The following PTPRE variants were observed in gnomAD, a reference collection of about 807,000 sequenced individuals.
PTPRE encodes the protein receptor-type tyrosine-protein phosphatase epsilon.
In PTPRE, 51 loss-of-function variants were observed where a neutral mutation model predicts 102.0. That is an observed-to-expected ratio of 0.50 (90% CI 0.40 to 0.63). The LOEUF (loss-of-function observed/expected upper bound fraction) is 0.63. PTPRE is among the 30% of genes least tolerant of loss of function. PTPRE has a pLI of 0.00. For missense variants in PTPRE, 752 were observed against 915.1 expected, an observed-to-expected ratio of 0.82 and a Z score of 2.30; for synonymous variants, 345 against 348.2, an observed-to-expected ratio of 0.99 and a Z score of 0.10.
In PTPRE at chr10:128,008,477, G is replaced by C. The variant is rs767856348; in HGVS notation, c.-8+26181G>C. The stretch of plus-strand genomic sequence containing the variant: ...GGGATAATGTCAAACAGCCAGTCCC[G>C]GGTTTCTAAACCCAGTTGATCAATA... On this transcript the variant is annotated intron_variant, in intron 2 of 20. Transcript: ENST00000254667. The surrounding 1 kb of genome is among the most constrained non-coding windows in gnomAD (Gnocchi z 4.0). Among the ~76,000 whole-genome samples the C allele has an allele frequency of 6.6e-6, 1 of 152,174 alleles. No individual in the cohort carries two copies. Among genetic ancestry groups the C allele is most frequent in the Non-Finnish European group, 1.5e-5 (1 of 68,036 alleles).
At chr10:127,963,715 T>A (rs532476258) in intron 1 of PTPRE, among the ~76,000 whole-genome samples, 1 of 151,928 alleles carries the variant, frequency 6.6e-6, no homozygotes, top group Non-Finnish European at 1.5e-5. Context: ...CACACACACG[T>A]GCACACACGT....
At chr10:127,908,160 G>A (rs1011358078) in intron 1 of PTPRE, among the ~76,000 whole-genome samples, 2 of 152,162 alleles carry the variant, frequency 1.3e-5, no homozygotes, top group Non-Finnish European at 2.9e-5. Flanking sequence ...GTCTTGAGTC[G>A]TGACCATTCC....
chr10:127,963,741 C>G (rs1564832228), intron 1 of PTPRE, among the ~76,000 whole-genome samples: 2 of 152,124 alleles, frequency 1.3e-5, no homozygotes, highest in Admixed American at 6.5e-5. Flanking sequence ...ACCCACGGGG[C>G]TGGGGATAGT....
At chr10:128,055,837 G>A (rs1453530031) in intron 6 of PTPRE, among the ~76,000 whole-genome samples, 1 of 152,206 alleles carries the variant, frequency 6.6e-6, no homozygotes, top group Non-Finnish European at 1.5e-5. Context: ...GAAATGCAAA[G>A]GCAAGTCTCC....
chr10:128,083,826 TACAC>T lies in PTPRE; in HGVS notation c.*923_*926del, dbSNP rs541704816. ...AAACATTCAGATGAACTGAGCGTCT[TACAC>T]ACGCAGTACAGAGGAGCACACATTA... On this transcript the variant is annotated 3_prime_UTR_variant, in exon 21 of 21. Coordinates refer to ENST00000254667, the MANE Select transcript of PTPRE (RefSeq NM_006504.6). 9.2e-5 allele frequency: 14 copies of T among 152,246 alleles called. No individual in the cohort carries two copies. The highest frequency in any genetic ancestry group is 2.9e-4 in the African/African-American group (12 of 41,452). The allele number at this position is 152,246 out of a possible 1,614,324, so 9.4% of individuals were successfully genotyped here. A position where few individuals can be genotyped will look rare whatever the true frequency, so the allele number is the denominator to read the frequency against.
chr10:128,032,815 C>T (rs1846883802), intron 2 of PTPRE, among the ~76,000 whole-genome samples: 1 of 152,196 alleles, frequency 6.6e-6, no homozygotes. Context: ...AAAAAACAAA[C>T]AGTCTGAACT....
intron 2 of PTPRE, among the ~76,000 whole-genome samples, chr10:128,025,461 G>A: frequency 6.6e-6 from 1 of 152,196 alleles, no homozygotes; most frequent in East Asian, 1.9e-4. Context: ...TATGGAAATA[G>A]CGATAGATTT....
chr10:127,948,223 C>G (rs1848762788), intron 1 of PTPRE, among the ~76,000 whole-genome samples: 1 of 151,286 alleles, frequency 6.6e-6, no homozygotes, highest in Non-Finnish European at 1.5e-5. Flanking sequence ...TCACCCCCTC[C>G]TTTTTTTTTG....
intron 1 of PTPRE, among the ~76,000 whole-genome samples, chr10:127,943,592 C>T (rs899936474): frequency 2.6e-5 from 4 of 152,368 alleles, no homozygotes; most frequent in Admixed American, 6.5e-5. Context: ...CACCCACCAA[C>T]ACCCCAAGCC....
At position 128,055,358 on chromosome 10, in the gene PTPRE, G is replaced by A. The variant is rs968888546; in HGVS notation, c.421-765G>A. Among the ~76,000 whole-genome samples the A allele has an allele frequency of 5.9e-5, 9 of 152,170 alleles. No homozygotes were observed. In the South Asian group the frequency reaches 8.3e-4, roughly 14 times the overall value. ...TAGAATGCAGGCCACCAGAGTTCAC[G>A]CTCGGTTATGCTGCTCAGAGGGGAT... On this transcript the variant is annotated intron_variant, in intron 6 of 20. Coordinates refer to ENST00000254667, the MANE Select transcript of PTPRE (RefSeq NM_006504.6).
chr10:127,927,437 T>A (rs1309889207), intron 1 of PTPRE, among the ~76,000 whole-genome samples: 1 of 152,138 alleles, frequency 6.6e-6, no homozygotes, highest in Non-Finnish European at 1.5e-5. Flanking sequence ...GGGTTGAGTT[T>A]TCTCAGTTTT....
chr10:127,998,308 G>C (rs1351540768), intron 2 of PTPRE: 1 of 152,200 alleles, frequency 6.6e-6, no homozygotes, highest in Non-Finnish European at 1.5e-5. Context: ...AGCAGCGACT[G>C]GGGAAGCTGA....
chr10:128,066,250 C>A, intron 11 of PTPRE, 56 bp downstream of exon 11: 2 of 1,597,410 alleles, frequency 1.3e-6, no homozygotes, highest in East Asian at 2.2e-5. Context: ...GAGCATCATG[C>A]CCAGAGTTAA....
intron 11 of PTPRE, among the ~76,000 whole-genome samples, chr10:128,067,364 G>A (rs1187413503): frequency 1.6e-5 from 2 of 123,642 alleles, no homozygotes; most frequent in African/African-American, 3.2e-5. Context: ...ACGCACACGT[G>A]CACACATGCA....
Position 128,076,794 on chromosome 10 carries a change from G to C in PTPRE, c.1725+66G>C. ...GAACCACGCCCTCCCTCTGGGTTCTGCTTGTCATTGAACCAGAATGTGGCC... is the reference window on the plus strand; with the variant it reads ...GAACCACGCCCTCCCTCTGGGTTCTCCTTGTCATTGAACCAGAATGTGGCC... On this transcript the variant is annotated intron_variant, in intron 18 of 20. Transcript: ENST00000254667. 1.9e-6 allele frequency: 3 copies of C among 1,590,558 alleles called. No homozygotes were observed. The South Asian group carries it at 3.4e-5, about 18-fold the overall frequency.
intron 1 of PTPRE, among the ~76,000 whole-genome samples, chr10:127,954,408 G>A (rs1428911824): frequency 2.0e-5 from 3 of 152,132 alleles, no homozygotes; most frequent in Non-Finnish European, 4.4e-5. Context: ...TTTCCTTACT[G>A]GAATAGACAC....
chr10:128,051,420 A>G (rs1848555489), intron 6 of PTPRE, among the ~76,000 whole-genome samples: 1 of 152,266 alleles, frequency 6.6e-6, no homozygotes, highest in South Asian at 2.1e-4. Context: ...ATCAAAATGA[A>G]TACAGGCAGT....
intron 12 of PTPRE, 159 bp downstream of exon 12, chr10:128,068,445 A>C: frequency 2.6e-6 from 2 of 765,450 alleles, no homozygotes; most frequent in East Asian, 2.9e-5. Context: ...GGCCCCAAGA[A>C]CCCTACAGGA....
At chr10:128,016,162 T>C (rs1383026673) in intron 2 of PTPRE, among the ~76,000 whole-genome samples, 1 of 152,202 alleles carries the variant, frequency 6.6e-6, no homozygotes, top group Non-Finnish European at 1.5e-5. Flanking sequence ...TATGGGGGTC[T>C]GCAGCAGACA....
Sources: gnomAD v4.1 joint callset for allele counts (sites outside exome capture counted in the v4.1 genomes callset) on GRCh38, gnomAD v4.1.1 for gene constraint, Gnocchi (gnomAD v3.1) non-coding constraint, MANE v1.5 for transcripts, NCBI Gene and HGNC (gene_info 2026-07-23, HGNC 2026-07-21) for gene names.